Variants in MAGI1 observed in about 807,000 individuals in gnomAD.
The protein encoded by MAGI1 is membrane-associated guanylate kinase, WW and PDZ domain-containing protein 1.
MAGI1 carries 58 observed loss-of-function variants against 139.9 expected under a neutral mutation model. The ratio of observed to expected loss-of-function variants is 0.41; its 90% CI spans 0.34 to 0.52. MAGI1 has a LOEUF of 0.52. Ranked by LOEUF, MAGI1 falls within the 20% of genes least tolerant of loss-of-function variation. The pLI, the probability that MAGI1 is intolerant of heterozygous loss-of-function variation, is 0.12. For missense variants in MAGI1, 1,874 were observed against 1,901.6 expected (o/e 0.99, Z 0.27); for synonymous variants, 812 against 737.9 (o/e 1.10, Z -1.63).
chr3:66,035,562 G>A (rs898941847), intron 1 of MAGI1, among the ~76,000 whole-genome samples: 7 of 152,180 alleles, frequency 4.6e-5, no homozygotes, highest in Non-Finnish European at 1.0e-4. Flanking sequence ...GACGTCAGAA[G>A]ATCCAACTGT....
rs544481658 is a variant in MAGI1, at chr3:65,813,565, G to C, written c.314-191477C>G. On this transcript the variant is annotated intron_variant, in intron 1 of 22. Coordinates refer to ENST00000402939, the MANE Select transcript of MAGI1 (RefSeq NM_001033057.2). The stretch of plus-strand genomic sequence containing the variant: ...GGGATATAGAAAAAGAGCAGTCTCA[G>C]AGTTGACTATGGGTAAGTAACTTGT... 3.9e-5 allele frequency among the ~76,000 whole-genome samples: 6 copies of C among 152,302 alleles called. No individual in the cohort carries two copies. In the South Asian group the frequency reaches 1.2e-3, roughly 32 times the overall value.
chr3:65,495,123 T>C (rs867514084), intron 2 of MAGI1, among the ~76,000 whole-genome samples: 5 of 152,126 alleles, frequency 3.3e-5, no homozygotes, highest in African/African-American at 7.2e-5. Flanking sequence ...ACAGGAAACA[T>C]AGAGACAGTA....
intron 1 of MAGI1, among the ~76,000 whole-genome samples, chr3:65,835,849 GA>G (rs1190615278): frequency 6.6e-6 from 1 of 152,148 alleles, no homozygotes; most frequent in Admixed American, 6.5e-5. Context: ...CTTGAAACCA[GA>G]ATGCAGCCCT....
At chr3:65,566,780 GAT>G (rs1038504301) in intron 2 of MAGI1, among the ~76,000 whole-genome samples, 4 of 152,174 alleles carry the variant, frequency 2.6e-5, no homozygotes, top group African/African-American at 9.6e-5. Flanking sequence ...GGACCTCTGA[GAT>G]GTCAGAAGAG....
chr3:65,753,634 T>A (rs1237190220), intron 1 of MAGI1, among the ~76,000 whole-genome samples: 1 of 147,476 alleles, frequency 6.8e-6, no homozygotes, highest in Non-Finnish European at 1.5e-5. Context: ...GGCAGCAGAA[T>A]CACTTGAGCT....
At chr3:65,694,489 T>C (rs540794524) in intron 1 of MAGI1, among the ~76,000 whole-genome samples, 2 of 152,294 alleles carry the variant, frequency 1.3e-5, no homozygotes, top group Admixed American at 1.3e-4. Flanking sequence ...GGTTCAACCT[T>C]CTAAGGAGGA....
At chr3:65,525,152 C>T (rs1421197676) in intron 2 of MAGI1, among the ~76,000 whole-genome samples, 1 of 152,088 alleles carries the variant, frequency 6.6e-6, no homozygotes, top group Non-Finnish European at 1.5e-5. Context: ...CACCCATTTC[C>T]AGCTCACTGC....
At chr3:65,891,881 G>C (rs1459144419) in intron 1 of MAGI1, among the ~76,000 whole-genome samples, 1 of 88,398 alleles carries the variant, frequency 1.1e-5, no homozygotes, top group Non-Finnish European at 2.1e-5. Context: ...AGAACTTAAA[G>C]TATAATATAT....
chr3:65,958,986 C>CA (rs112469055), intron 1 of MAGI1, among the ~76,000 whole-genome samples: 2,318 of 130,116 alleles, frequency 0.018, 51 homozygotes, highest in African/African-American at 0.055. Flanking sequence ...GACTGTAACT[C>CA]AAAAAAAAAA....
chr3:65,483,003 C>T (rs1951384015), intron 3 of MAGI1, among the ~76,000 whole-genome samples: 2 of 152,242 alleles, frequency 1.3e-5, no homozygotes, highest in Admixed American at 6.5e-5. Flanking sequence ...AGATCTTGGA[C>T]CCCATCTAGA....
intron 2 of MAGI1, among the ~76,000 whole-genome samples, chr3:65,507,152 G>A (rs1487247558): frequency 1.3e-5 from 2 of 152,214 alleles, no homozygotes; most frequent in Admixed American, 1.3e-4. Context: ...TACTACCTGT[G>A]CATGGTCTTC....
intron 1 of MAGI1, among the ~76,000 whole-genome samples, chr3:65,794,518 T>C (rs2039994019): frequency 6.6e-6 from 1 of 152,038 alleles, no homozygotes; most frequent in Admixed American, 6.6e-5. Context: ...TGCAGGACAG[T>C]GAGGTGATAG....
chr3:65,397,833 G>C (rs892389346), intron 13 of MAGI1, among the ~76,000 whole-genome samples: 1 of 152,062 alleles, frequency 6.6e-6, no homozygotes, highest in African/African-American at 2.4e-5. Flanking sequence ...TATGAGGTGA[G>C]GATCTTTGTA....
At chr3:65,867,303 G>C (rs1010096435) in intron 1 of MAGI1, among the ~76,000 whole-genome samples, 1 of 152,176 alleles carries the variant, frequency 6.6e-6, no homozygotes, top group Non-Finnish European at 1.5e-5. Flanking sequence ...ATATGCTATC[G>C]TCATTTGTCC....
chr3:65,847,725 C>A (rs2059054616), intron 1 of MAGI1, among the ~76,000 whole-genome samples: 1 of 152,110 alleles, frequency 6.6e-6, no homozygotes. Flanking sequence ...GCTAAGGATG[C>A]AGAGATGATT....
intron 1 of MAGI1, among the ~76,000 whole-genome samples, chr3:65,791,882 T>C (rs1384705042): frequency 1.3e-5 from 2 of 152,134 alleles, no homozygotes; most frequent in East Asian, 1.9e-4. Flanking sequence ...GGCAATGCAA[T>C]TGCCTTCAGG....
At chr3:65,477,145 C>T (rs1379152672) in intron 4 of MAGI1, among the ~76,000 whole-genome samples, 2 of 152,232 alleles carry the variant, frequency 1.3e-5, no homozygotes, top group Non-Finnish European at 2.9e-5. Context: ...CTTTACCTAA[C>T]ACTTCTTGCA....
chr3:65,490,168 C>T (rs376204353), intron 3 of MAGI1, among the ~76,000 whole-genome samples: 1 of 152,224 alleles, frequency 6.6e-6, no homozygotes, highest in Non-Finnish European at 1.5e-5. Context: ...TTACATGTGT[C>T]AGACACTCTG....
intron 1 of MAGI1, among the ~76,000 whole-genome samples, chr3:66,026,879 C>A (rs1169776235): frequency 6.6e-6 from 1 of 151,712 alleles, no homozygotes; most frequent in Non-Finnish European, 1.5e-5. Flanking sequence ...AAAGGGCCAG[C>A]CTAAGACCGG....
Sources: gnomAD v4.1 joint callset for allele counts (sites outside exome capture counted in the v4.1 genomes callset) on GRCh38, gnomAD v4.1.1 for gene constraint, MANE v1.5 for transcripts, NCBI Gene and HGNC (gene_info 2026-07-23, HGNC 2026-07-21) for gene names.